POU2F1: variants seen among roughly 807,000 people sequenced by gnomAD.
The protein encoded by POU2F1 is POU class 2 homeobox 1, also known as POU domain, class 2, transcription factor 1.
A neutral mutation model predicts 84.9 loss-of-function variants in POU2F1; 16 were observed. That is an observed-to-expected ratio of 0.19 (90% CI 0.13 to 0.29). The LOEUF (loss-of-function observed/expected upper bound fraction) is 0.29, where lower values mean the gene tolerates loss of function less well. POU2F1 is among the 10% of genes least tolerant of loss of function. The pLI, the probability that POU2F1 is intolerant of heterozygous loss-of-function variation, is 1.00. For missense variants in POU2F1, 738 were observed against 942.6 expected (o/e 0.78, Z 2.84); for synonymous variants, 368 against 368.3 (o/e 1.00, Z 0.01).
At chr1:167,346,038 G>T (rs1257097733) in intron 2 of POU2F1, among the ~76,000 whole-genome samples, 3 of 151,886 alleles carry the variant, frequency 2.0e-5, no homozygotes, top group African/African-American at 7.3e-5. Flanking sequence ...AACTGGGCAT[G>T]GTGGCACATG....
At chr1:167,373,955 A>G (rs1660166620) in intron 5 of POU2F1, among the ~76,000 whole-genome samples, 153 bp from the exon 6 acceptor site, 1 of 152,076 alleles carries the variant, frequency 6.6e-6, no homozygotes, top group Admixed American at 6.5e-5. Context: ...TGGTAGTTTG[A>G]TCACTGATGA....
intron 13 of POU2F1, among the ~76,000 whole-genome samples, chr1:167,405,075 T>A (rs761617245): frequency 2.6e-5 from 4 of 152,198 alleles, no homozygotes; most frequent in Non-Finnish European, 5.9e-5. Context: ...CTAAAATAGA[T>A]GCAAGTGAGC....
At chr1:167,392,309 G>A (rs1485626785) in intron 9 of POU2F1, among the ~76,000 whole-genome samples, 5 of 150,102 alleles carry the variant, frequency 3.3e-5, no homozygotes, top group African/African-American at 1.2e-4. Flanking sequence ...CCAAGATCAC[G>A]CCACTGCACA....
At chr1:167,285,386 C>T (rs1041406579) in intron 1 of POU2F1, among the ~76,000 whole-genome samples, 4 of 152,130 alleles carry the variant, frequency 2.6e-5, no homozygotes, top group African/African-American at 7.2e-5. Context: ...GAGTGGATCA[C>T]GAGGTCAGGA....
intron 2 of POU2F1, among the ~76,000 whole-genome samples, chr1:167,335,887 T>C (rs1225801919): frequency 6.6e-6 from 1 of 152,240 alleles, no homozygotes; most frequent in African/African-American, 2.4e-5. Flanking sequence ...CAGCTGATCA[T>C]TGAATAACAT....
In POU2F1 at chr1:167,299,286, G is replaced by A. The variant is rs557036886; in HGVS notation, c.62-33184G>A. Among the ~76,000 whole-genome samples, 26 of 152,174 alleles carry A rather than the reference G, an allele frequency of 1.7e-4. No homozygotes were observed. The South Asian group carries it at 5.0e-3, about 29-fold the overall frequency. On this transcript the variant is annotated intron_variant, in intron 1 of 15. Coordinates refer to ENST00000367866, the MANE Select transcript of POU2F1 (RefSeq NM_002697.4). ...ATCTTGTAGTATATATGAAGGCAGT[G>A]TGGTTAGTTACTAGGAAGAACTGCA...
At chr1:167,396,237 G>T (rs373266552) in intron 9 of POU2F1, 49 bp from the exon 10 acceptor site, 2 of 1,604,118 alleles carry the variant, frequency 1.2e-6, no homozygotes, top group Non-Finnish European at 8.5e-7. Context: ...GCACTGGTGA[G>T]ATAACTCTGT....
At chr1:167,327,036 T>C (rs1329101079) in intron 1 of POU2F1, among the ~76,000 whole-genome samples, 2 of 152,212 alleles carry the variant, frequency 1.3e-5, no homozygotes, top group Non-Finnish European at 2.9e-5. Context: ...TTTCATCTTT[T>C]CTCACCAAGG....
At position 167,396,432 on chromosome 1, in the gene POU2F1, GTGAC is replaced by G; in HGVS notation, c.1129+8_1129+11del. The G allele has an allele frequency of 6.2e-7, 1 of 1,612,948 alleles. No homozygotes were observed. Among genetic ancestry groups the G allele is most frequent in the Non-Finnish European group, 8.5e-7 (1 of 1,179,172 alleles). On this transcript the variant is annotated splice_donor_region_variant and intron_variant, in intron 10 of 15. Transcript: ENST00000367866. Reference sequence around the variant, plus strand: ...AGAAGTGGCTAAATGATGCAGGTAAGTGACTGTATAAGACATTTCTTTGTCATTC... The same window carrying G: ...AGAAGTGGCTAAATGATGCAGGTAAGTGTATAAGACATTTCTTTGTCATTC...
intron 1 of POU2F1, among the ~76,000 whole-genome samples, chr1:167,234,604 C>G (rs1055075043): frequency 1.9e-4 from 29 of 152,274 alleles, no homozygotes; most frequent in African/African-American, 6.0e-4. Context: ...CATGTTGGTA[C>G]TTGCCTATAG....
chr1:167,325,377 T>G (rs1406310318), intron 1 of POU2F1, among the ~76,000 whole-genome samples: 12 of 152,120 alleles, frequency 7.9e-5, no homozygotes, highest in Admixed American at 7.9e-4. Flanking sequence ...AGTTATATGG[T>G]CAGTACAGAA....
chr1:167,384,204 A>G (rs1647787682), intron 8 of POU2F1, among the ~76,000 whole-genome samples: 1 of 152,154 alleles, frequency 6.6e-6, no homozygotes, highest in Non-Finnish European at 1.5e-5. Context: ...AGTTCTAGCT[A>G]TGTGACATCT....
intron 10 of POU2F1, among the ~76,000 whole-genome samples, chr1:167,397,614 C>A (rs1277122100): frequency 6.6e-6 from 1 of 152,176 alleles, no homozygotes; most frequent in East Asian, 1.9e-4. Flanking sequence ...GGCACCATCT[C>A]AGGTCACTGC....
Position 167,418,130 on chromosome 1 carries a change from T to C in POU2F1, c.*2320T>C, listed in dbSNP as rs1650425991. On this transcript the variant is annotated 3_prime_UTR_variant, in exon 16 of 16. Transcript: ENST00000367866. ...GCAAGCTGCTGTACTAATGGACTAG[T>C]TGATAACGTGCAGTTCAGACACATC... 6.6e-6 allele frequency: 1 copy of C among 152,258 alleles called. No homozygotes were observed. The highest frequency in any genetic ancestry group is 1.5e-5 in the Non-Finnish European group (1 of 68,044). 9.4% of individuals were successfully genotyped at this position (152,258 alleles called of 1,614,324 possible). A position where few individuals can be genotyped will look rare whatever the true frequency, so the allele number is the denominator to read the frequency against.
chr1:167,368,666 C>T (rs1303783938), intron 3 of POU2F1, among the ~76,000 whole-genome samples: 2 of 152,270 alleles, frequency 1.3e-5, no homozygotes, highest in Middle Eastern at 3.4e-3. Context: ...TAGGCCTCTC[C>T]TGATTACACT....
At chr1:167,391,463 C>T (rs1648393162) in intron 9 of POU2F1, among the ~76,000 whole-genome samples, 1 of 151,390 alleles carries the variant, frequency 6.6e-6, no homozygotes, top group African/African-American at 2.4e-5. Context: ...TACGGTAATG[C>T]TCCACCTGGC....
In POU2F1 at chr1:167,358,071, G is replaced by A. The variant is rs190038639; in HGVS notation, c.128-7396G>A. Reference sequence around the variant, plus strand: ...CCTGTCTCGACCTTCCAAAGTGCTGGGATTACAGGCATGAGCCACCGCATC... The same window carrying A: ...CCTGTCTCGACCTTCCAAAGTGCTGAGATTACAGGCATGAGCCACCGCATC... On this transcript the variant is annotated intron_variant, in intron 2 of 15. Coordinates refer to ENST00000367866, the MANE Select transcript of POU2F1 (RefSeq NM_002697.4). Among the ~76,000 whole-genome samples the A allele has an allele frequency of 1.6e-3, 235 of 150,764 alleles. 1 individual carries two copies. Among genetic ancestry groups the A allele is most frequent in the African/African-American group, 5.4e-3 (222 of 41,132 alleles).
intron 1 of POU2F1, among the ~76,000 whole-genome samples, chr1:167,252,733 T>C (rs1015049483): frequency 6.6e-6 from 1 of 152,236 alleles, no homozygotes; most frequent in African/African-American, 2.4e-5. Context: ...ATTAAAGTAA[T>C]TCTGGTCATT....
rs1648950395 is a variant in POU2F1 at position 167,398,233 on chromosome 1, C to A, written c.1269+100C>A. On this transcript the variant is annotated intron_variant, in intron 11 of 15. Coordinates refer to ENST00000367866, the MANE Select transcript of POU2F1 (RefSeq NM_002697.4). The stretch of plus-strand genomic sequence containing the variant: ...TAGGTGGTAAAAGATGACATGTCAG[C>A]CTCTGCTCTTATGGATGATTATAAA... 2.9e-6 allele frequency: 4 copies of A among 1,363,864 alleles called. No individual in the cohort carries two copies. In the African/African-American group the frequency reaches 4.4e-5, roughly 15 times the overall value. The allele number at this position is 1,363,864 out of a possible 1,614,324, so 84.5% of individuals were successfully genotyped here.
Sources: gnomAD v4.1 joint callset for allele counts (sites outside exome capture counted in the v4.1 genomes callset) on GRCh38, gnomAD v4.1.1 for gene constraint, MANE v1.5 for transcripts, NCBI Gene and HGNC (gene_info 2026-07-23, HGNC 2026-07-21) for gene names.